The following HAT1 variants were observed in gnomAD, a reference collection of about 807,000 sequenced individuals.
HAT1 encodes histone acetyltransferase type B catalytic subunit.
Under a neutral mutation model 56.6 loss-of-function variants are expected in HAT1, and 20 were observed. That is an observed-to-expected ratio of 0.35 (90% CI 0.25 to 0.51). HAT1 has a LOEUF of 0.51. Ranked by LOEUF, HAT1 falls within the 20% of genes least tolerant of loss-of-function variation. The pLI is 0.95. For synonymous variants in HAT1, 146 were observed against 165.5 expected (o/e 0.88, Z 0.91); for missense variants, 408 against 504.3 (o/e 0.81, Z 1.83).
chr2:171,931,315 A>C (rs1686739647), intron 2 of HAT1, among the ~76,000 whole-genome samples: 1 of 152,016 alleles, frequency 6.6e-6, no homozygotes, highest in Admixed American at 6.6e-5. Flanking sequence ...CCTGAGCCCA[A>C]GAGTTCTAGG....
chr2:171,970,074 C>T (rs1687776464), intron 8 of HAT1, among the ~76,000 whole-genome samples: 1 of 152,020 alleles, frequency 6.6e-6, no homozygotes, highest in South Asian at 2.1e-4. Flanking sequence ...ATGAGAGGAT[C>T]GTTAGAGCCC....
At chr2:171,946,913 T>G in intron 3 of HAT1, 130 bp downstream of exon 3, 1 of 561,128 alleles carries the variant, frequency 1.8e-6, no homozygotes, top group South Asian at 2.6e-5. Context: ...AAATATATGT[T>G]ATAATGGTGT....
At chr2:171,972,639 AAGGGCTGCTGC>A (rs890125094) in intron 8 of HAT1, among the ~76,000 whole-genome samples, 3 of 152,176 alleles carry the variant, frequency 2.0e-5, no homozygotes, top group Non-Finnish European at 4.4e-5. Context: ...CCTAGCTGTA[AAGGGCTGCTGC>A]AGTGGCGACA....
chr2:171,970,942 T>A (rs915100031), intron 8 of HAT1, among the ~76,000 whole-genome samples: 1 of 151,436 alleles, frequency 6.6e-6, no homozygotes, highest in Non-Finnish European at 1.5e-5. Flanking sequence ...GGCTCACGCC[T>A]GTAATCCCAG....
At chr2:171,925,023 C>G (rs1308510160) in intron 1 of HAT1, 2 of 150,666 alleles carry the variant, frequency 1.3e-5, no homozygotes, top group Non-Finnish European at 2.9e-5. Flanking sequence ...GTTTATAAGC[C>G]TGTATCTCAA....
chr2:171,950,958 T>C (rs1687292737), intron 3 of HAT1, among the ~76,000 whole-genome samples: 1 of 151,672 alleles, frequency 6.6e-6, no homozygotes, highest in Admixed American at 6.6e-5. Context: ...TACAGGCGCC[T>C]GCCACCATGC....
Position 171,952,969 on chromosome 2 carries a change from T to G in HAT1, c.277T>G (p.Ser93Ala), listed in dbSNP as rs1161893557. ...AACAATGTTCCGTGTTGAATATGCA[T>G]CTAAAGTTGATGAGAACTTTGACTG... ...LSTMFRVEYA[S>A]KVDENFDCVE... Residue 93 changes from serine (S) to alanine (A), a missense_variant, in exon 4 of 11, where the codon TCT (serine) becomes GCT (alanine). Coordinates refer to ENST00000264108, the MANE Select transcript of HAT1 (RefSeq NM_003642.4). 1 of 1,593,060 alleles carries G rather than the reference T, an allele frequency of 6.3e-7. No homozygotes were observed. The highest frequency in any genetic ancestry group is 1.3e-5 in the African/African-American group (1 of 74,462).
At chr2:171,976,769 TC>T (rs1352639230) in intron 9 of HAT1, among the ~76,000 whole-genome samples, 1 of 152,228 alleles carries the variant, frequency 6.6e-6, no homozygotes, top group East Asian at 1.9e-4. Flanking sequence ...ATATGGAAGT[TC>T]AGAGAAGAAA....
chr2:171,966,975 A>G, intron 8 of HAT1, 26 bp downstream of exon 8: 2 of 959,322 alleles, frequency 2.1e-6, no homozygotes, highest in Non-Finnish European at 3.3e-6. Flanking sequence ...TTTGTTACTG[A>G]AAGAGCCTTT....
chr2:171,971,269 A>C (rs1687811592), intron 8 of HAT1, among the ~76,000 whole-genome samples: 1 of 152,252 alleles, frequency 6.6e-6, no homozygotes, highest in African/African-American at 2.4e-5. Context: ...AGAGTTTTTA[A>C]TTAAAACAAC....
intron 2 of HAT1, among the ~76,000 whole-genome samples, chr2:171,938,470 C>A (rs1420221355): frequency 6.6e-6 from 1 of 152,130 alleles, no homozygotes; most frequent in Admixed American, 6.6e-5. Context: ...TTATTATACA[C>A]CTCACTGTGG....
chr2:171,924,883 T>TAAA (rs1686542951), intron 1 of HAT1: 1 of 152,216 alleles, frequency 6.6e-6, no homozygotes, highest in Non-Finnish European at 1.5e-5. Context: ...TTTTGCTTTT[T>TAAA]ACATCTTATA....
At chr2:171,956,338 G>A (rs567318545) in intron 4 of HAT1, among the ~76,000 whole-genome samples, 9 of 151,320 alleles carry the variant, frequency 5.9e-5, no homozygotes, top group Admixed American at 2.6e-4. Flanking sequence ...ACGCACGCAT[G>A]CACACACACA....
At position 171,979,363 on chromosome 2, in the gene HAT1, G is replaced by GAAAAAGCAGAGAGATCTTGCTAAGATGA; in HGVS notation, c.1092_1092+1insAAAAAGCAGAGAGATCTTGCTAAGATGA (p.Arg374LysfsTer8). On this transcript the variant is annotated frameshift_variant and splice_region_variant. Transcript: ENST00000264108. LOFTEE classifies it high-confidence loss of function. The stretch of plus-strand genomic sequence containing the variant: ...AAAGAAGACTAATTAGCCCATATAA[G>GAAAAAGCAGAGAGATCTTGCTAAGATGA]GTAGGACTTTCAAGAATCTTAAACA... The GAAAAAGCAGAGAGATCTTGCTAAGATGA allele has an allele frequency of 7.1e-7, 1 of 1,402,260 alleles. No homozygotes were observed. The highest frequency in any genetic ancestry group is 1.2e-5 in the South Asian group (1 of 86,674). The allele number at this position is 1,402,260 out of a possible 1,614,324, so 86.9% of individuals were successfully genotyped here.
intron 2 of HAT1, among the ~76,000 whole-genome samples, chr2:171,937,704 G>A (rs772317455): frequency 2.0e-5 from 3 of 152,142 alleles, no homozygotes; most frequent in Non-Finnish European, 2.9e-5. Flanking sequence ...AGCACTAATT[G>A]TACAATAAAG....
intron 8 of HAT1, among the ~76,000 whole-genome samples, chr2:171,972,483 TTG>T (rs1687841533): frequency 6.6e-6 from 1 of 152,220 alleles, no homozygotes; most frequent in Non-Finnish European, 1.5e-5. Context: ...CAGGCTGGTC[TTG>T]AACTCCAGGG....
chr2:171,965,914 T>C lies in HAT1; in HGVS notation c.611+6T>C. On this transcript the variant is annotated splice_donor_region_variant and intron_variant, in intron 6 of 10. Coordinates refer to ENST00000264108, the MANE Select transcript of HAT1 (RefSeq NM_003642.4). ...AGATGGCACTACTTTCTAGTGTAAG[T>C]ACAGTTCTAAAGCAACAGTAGACCT... The C allele has an allele frequency of 6.2e-7, 1 of 1,612,082 alleles. No individual in the cohort carries two copies. The highest frequency in any genetic ancestry group is 8.5e-7 in the Non-Finnish European group (1 of 1,178,570).
chr2:171,944,012 G>T (rs1166181695), intron 2 of HAT1, among the ~76,000 whole-genome samples: 2 of 151,986 alleles, frequency 1.3e-5, no homozygotes, highest in African/African-American at 4.8e-5. Flanking sequence ...TGTTCATGGT[G>T]ATTTGCGCTT....
chr2:171,970,372 C>T (rs1052267587), intron 8 of HAT1, among the ~76,000 whole-genome samples: 6 of 151,704 alleles, frequency 4.0e-5, no homozygotes, highest in African/African-American at 7.3e-5. Flanking sequence ...CCACTGCACC[C>T]CACCCTGGTG....
Sources: allele counts gnomAD v4.1 joint callset (sites outside exome capture counted in the v4.1 genomes callset), GRCh38; gene constraint gnomAD v4.1.1; transcripts MANE v1.5; gene names NCBI Gene and HGNC (gene_info 2026-07-23, HGNC 2026-07-21).